RAP1GDS1: variants seen among roughly 807,000 people sequenced by gnomAD.
RAP1GDS1 encodes RAP1, GTP-GDP dissociation stimulator 1.
Under a neutral mutation model 71.1 loss-of-function variants are expected in RAP1GDS1, and 35 were observed. The ratio of observed to expected loss-of-function variants is 0.49; its 90% CI spans 0.38 to 0.65. The LOEUF (loss-of-function observed/expected upper bound fraction) is 0.65. Among genes scored for constraint, RAP1GDS1 ranks in the 30% least tolerant of loss-of-function variants. The pLI, the probability that RAP1GDS1 is intolerant of heterozygous loss-of-function variation, is 0.00. For synonymous variants in RAP1GDS1, 229 were observed against 243.1 expected (o/e 0.94, Z 0.54); for missense variants, 663 against 706.1 (o/e 0.94, Z 0.69).
intron 7 of RAP1GDS1, among the ~76,000 whole-genome samples, chr4:98,413,338 T>A (rs1400627210): frequency 6.6e-6 from 1 of 151,972 alleles, no homozygotes; most frequent in Non-Finnish European, 1.5e-5. Flanking sequence ...TCATCTAGCA[T>A]TAGGTATATC....
At chr4:98,386,786 T>A (rs1742833061) in intron 5 of RAP1GDS1, among the ~76,000 whole-genome samples, 2 of 152,074 alleles carry the variant, frequency 1.3e-5, no homozygotes. Flanking sequence ...ATATAAAGTT[T>A]TTAACCACTA....
In RAP1GDS1 at chr4:98,391,950, A is replaced by G; in HGVS notation, c.509-2A>G. 1 of 1,574,798 alleles carries G rather than the reference A, an allele frequency of 6.4e-7. No individual in the cohort carries two copies. The highest frequency in any genetic ancestry group is 1.2e-5 in the South Asian group (1 of 82,502). ...GTTGTTGTTTTTTTTTTGTTTTTAC[A>G]GATTCGCTTCAAGCTCAGCTTATCA... On this transcript the variant is annotated splice_acceptor_variant, in intron 5 of 14. Coordinates refer to ENST00000408927, the MANE Select transcript of RAP1GDS1 (RefSeq NM_001100427.2). LOFTEE classifies it high-confidence loss of function.
chr4:98,283,760 G>A lies in RAP1GDS1; in HGVS notation c.5-9648G>A, dbSNP rs373934089. Among the ~76,000 whole-genome samples the A allele has an allele frequency of 1.3e-3, 203 of 150,862 alleles. 3 individuals carry two copies. The highest frequency in any genetic ancestry group is 3.8e-3 in the African/African-American group (157 of 41,088). ...TATTGAAAGCTAAAGTGTGTATTCA[G>A]CATTGTACTACCCTTGAGATACTGT... On this transcript the variant is annotated intron_variant, in intron 1 of 14. Transcript: ENST00000408927.
chr4:98,291,969 G>C (rs558306581), intron 1 of RAP1GDS1, among the ~76,000 whole-genome samples: 2 of 152,250 alleles, frequency 1.3e-5, no homozygotes, highest in Non-Finnish European at 2.9e-5. Flanking sequence ...TGAAAAGGCT[G>C]TTAAAATACT....
intron 12 of RAP1GDS1, among the ~76,000 whole-genome samples, chr4:98,426,648 T>C (rs1749654009): frequency 1.3e-5 from 2 of 151,960 alleles, no homozygotes; most frequent in African/African-American, 2.4e-5. Context: ...AAATACAACC[T>C]TGCTAGCTTA....
At chr4:98,356,024 CA>C (rs1737921499) in intron 4 of RAP1GDS1, among the ~76,000 whole-genome samples, 1 of 152,158 alleles carries the variant, frequency 6.6e-6, no homozygotes, top group African/African-American at 2.4e-5. Context: ...AGTATCCGAA[CA>C]GACTTCTGAT....
intron 2 of RAP1GDS1, among the ~76,000 whole-genome samples, chr4:98,300,396 A>G (rs1728398664): frequency 1.3e-5 from 2 of 152,062 alleles, no homozygotes; most frequent in South Asian, 4.1e-4. Flanking sequence ...TATAGTGTAG[A>G]CAGAACTTTT....
chr4:98,297,740 A>T (rs1727988808), intron 2 of RAP1GDS1, among the ~76,000 whole-genome samples: 1 of 152,156 alleles, frequency 6.6e-6, no homozygotes, highest in South Asian at 2.1e-4. Context: ...AATTTAGACC[A>T]ATTAATAATC....
intron 1 of RAP1GDS1, among the ~76,000 whole-genome samples, chr4:98,264,477 G>A (rs1722457921): frequency 6.6e-6 from 1 of 151,890 alleles, no homozygotes; most frequent in African/African-American, 2.4e-5. Context: ...TAACTTTATG[G>A]CCATAGCTAC....
intron 5 of RAP1GDS1, 29 bp from the exon 6 acceptor site, chr4:98,391,923 C>CTGTT (rs1743746807): frequency 6.5e-7 from 1 of 1,545,584 alleles, no homozygotes; most frequent in South Asian, 1.3e-5. Flanking sequence ...ACTTTCTTTT[C>CTGTT]TGTTGTTGTT....
At chr4:98,303,368 CA>C (rs1239860122) in intron 2 of RAP1GDS1, among the ~76,000 whole-genome samples, 1 of 151,958 alleles carries the variant, frequency 6.6e-6, no homozygotes, top group African/African-American at 2.4e-5. Flanking sequence ...ATCTAAAAAA[CA>C]TACAAAATTT....
At chr4:98,324,124 C>G (rs1452842217) in intron 2 of RAP1GDS1, among the ~76,000 whole-genome samples, 1 of 148,898 alleles carries the variant, frequency 6.7e-6, no homozygotes, top group Middle Eastern at 3.4e-3. Flanking sequence ...TATACACCAA[C>G]AACAGACAAA....
intron 6 of RAP1GDS1, among the ~76,000 whole-genome samples, chr4:98,398,176 T>A (rs1349714656): frequency 2.7e-5 from 4 of 150,444 alleles, no homozygotes; most frequent in Non-Finnish European, 5.9e-5. Flanking sequence ...GCATTAAGAA[T>A]AATTGCTAAG....
intron 12 of RAP1GDS1, among the ~76,000 whole-genome samples, chr4:98,427,997 T>C (rs1749852574): frequency 6.6e-6 from 1 of 152,118 alleles, no homozygotes. Flanking sequence ...ATGGTAGTGG[T>C]ACAAAAATAG....
chr4:98,365,614 C>A (rs1406893802), intron 4 of RAP1GDS1, among the ~76,000 whole-genome samples: 1 of 152,072 alleles, frequency 6.6e-6, no homozygotes, highest in Non-Finnish European at 1.5e-5. Context: ...CAGAGCAAGA[C>A]CCTGTCTCAA....
chr4:98,271,211 T>C (rs978113788), intron 1 of RAP1GDS1, among the ~76,000 whole-genome samples: 17 of 152,166 alleles, frequency 1.1e-4, no homozygotes, highest in Non-Finnish European at 1.5e-5. Context: ...TAGGTACTTA[T>C]TGGTACTGAA....
chr4:98,415,112 C>T (rs1462394933), intron 7 of RAP1GDS1, among the ~76,000 whole-genome samples: 9 of 152,128 alleles, frequency 5.9e-5, no homozygotes, highest in Admixed American at 5.2e-4. Context: ...GAAAAGAATT[C>T]AGTGATATCT....
chr4:98,418,909 T>C (rs1748408387), intron 10 of RAP1GDS1, 118 bp downstream of exon 10: 1 of 1,064,526 alleles, frequency 9.4e-7, no homozygotes, highest in African/African-American at 1.6e-5. Context: ...AAAAAAATAG[T>C]CTTCACATTG....
At chr4:98,359,443 A>G (rs1738417336) in intron 4 of RAP1GDS1, among the ~76,000 whole-genome samples, 1 of 152,162 alleles carries the variant, frequency 6.6e-6, no homozygotes, top group Non-Finnish European at 1.5e-5. Flanking sequence ...TCAAAAGTGT[A>G]TTTCTGGGTA....
Sources: allele counts gnomAD v4.1 joint callset (sites outside exome capture counted in the v4.1 genomes callset), GRCh38; gene constraint gnomAD v4.1.1; transcripts MANE v1.5; gene names NCBI Gene and HGNC (gene_info 2026-07-23, HGNC 2026-07-21).